VTI1A: variants seen among roughly 807,000 people sequenced by gnomAD.
VTI1A encodes vesicle transport through interaction with t-SNAREs 1A.
In VTI1A, 22 loss-of-function variants were observed where a neutral mutation model predicts 34.9. That is an observed-to-expected ratio of 0.63 (90% CI 0.45 to 0.90). The LOEUF (loss-of-function observed/expected upper bound fraction) is 0.90. Ranked by LOEUF, VTI1A falls within the 40% of genes least tolerant of loss-of-function variation. The pLI is 0.00. For synonymous variants in VTI1A, 87 were observed against 97.3 expected, an observed-to-expected ratio of 0.89 and a Z score of 0.62; for missense variants, 268 against 275.6, an observed-to-expected ratio of 0.97 and a Z score of 0.20.
At chr10:112,521,879 G>C (rs1214660827) in intron 3 of VTI1A, among the ~76,000 whole-genome samples, 1 of 151,906 alleles carries the variant, frequency 6.6e-6, no homozygotes, top group African/African-American at 2.4e-5. Flanking sequence ...TTCTGTCCTG[G>C]ATTGATGAGC....
chr10:112,711,130 A>G (rs1331060288), intron 7 of VTI1A, among the ~76,000 whole-genome samples: 1 of 152,176 alleles, frequency 6.6e-6, no homozygotes, highest in African/African-American at 2.4e-5. Flanking sequence ...CAATCTGTAG[A>G]AAAAATCAAT....
rs550316625 is a variant in VTI1A at position 112,763,127 on chromosome 10, T to G, written c.561-52163T>G. 2.0e-5 allele frequency among the ~76,000 whole-genome samples: 3 copies of G among 152,114 alleles called. No individual in the cohort carries two copies. The South Asian group carries it at 6.2e-4, about 32-fold the overall frequency. Reference sequence around the variant, plus strand: ...CTGAGCATGTGGCCTCTTAGTAGACTTAAAATGTACCACTGGGCCAGGCGC... The same window carrying G: ...CTGAGCATGTGGCCTCTTAGTAGACGTAAAATGTACCACTGGGCCAGGCGC... On this transcript the variant is annotated intron_variant, in intron 7 of 7. Transcript: ENST00000393077.
chr10:112,610,187 T>C lies in VTI1A; in HGVS notation c.428-58031T>C, dbSNP rs774925614. Among the ~76,000 whole-genome samples the C allele has an allele frequency of 3.2e-3, 492 of 151,770 alleles. 2 individuals are homozygous for C. Among genetic ancestry groups the C allele is most frequent in the Non-Finnish European group, 5.8e-3 (392 of 67,940 alleles). On this transcript the variant is annotated intron_variant, in intron 5 of 7. Transcript: ENST00000393077. ...ATACTTTTCCAGTCTTTTTTTTTTT[T>C]TCCTCAAGTTTTTTCAAGATGATCC...
intron 3 of VTI1A, among the ~76,000 whole-genome samples, chr10:112,468,319 C>T (rs1022298279): frequency 3.3e-5 from 5 of 152,086 alleles, no homozygotes; most frequent in African/African-American, 9.7e-5. Context: ...TGACATAACT[C>T]CCTTGTTTTA....
chr10:112,573,811 AT>A (rs1852227694), intron 5 of VTI1A, among the ~76,000 whole-genome samples: 1 of 152,196 alleles, frequency 6.6e-6, no homozygotes, highest in African/African-American at 2.4e-5. Context: ...AAAGTTTGTA[AT>A]GTTTATTACA....
At chr10:112,719,178 G>T (rs564290785) in intron 7 of VTI1A, among the ~76,000 whole-genome samples, 1 of 152,196 alleles carries the variant, frequency 6.6e-6, no homozygotes, top group Non-Finnish European at 1.5e-5. Flanking sequence ...TCACTGAGTC[G>T]ATCCTCGGTA....
At chr10:112,648,523 C>A (rs1846890975) in intron 5 of VTI1A, among the ~76,000 whole-genome samples, 3 of 152,112 alleles carry the variant, frequency 2.0e-5, no homozygotes, top group Admixed American at 6.5e-5. Flanking sequence ...GGTTAACCAA[C>A]AATGAAGTTC....
intron 7 of VTI1A, among the ~76,000 whole-genome samples, chr10:112,740,719 G>T (rs1850666004): frequency 6.6e-6 from 1 of 152,230 alleles, no homozygotes; most frequent in South Asian, 2.1e-4. Flanking sequence ...TGTGCTGCTG[G>T]TGAGAATGTA....
intron 7 of VTI1A, among the ~76,000 whole-genome samples, chr10:112,684,614 T>C (rs1273936157): frequency 6.6e-6 from 1 of 152,046 alleles, no homozygotes; most frequent in African/African-American, 2.4e-5. Context: ...AACTTTTTTG[T>C]ATTTTTAGTA....
chr10:112,764,012 G>A (rs1851568904), intron 7 of VTI1A, among the ~76,000 whole-genome samples: 1 of 152,160 alleles, frequency 6.6e-6, no homozygotes, highest in African/African-American at 2.4e-5. Flanking sequence ...AGAGAGAGGT[G>A]GAAGGAAATA....
At chr10:112,547,096 A>C (rs1851159669) in intron 5 of VTI1A, among the ~76,000 whole-genome samples, 1 of 152,154 alleles carries the variant, frequency 6.6e-6, no homozygotes, top group Admixed American at 6.5e-5. Flanking sequence ...CCTGGGCAAC[A>C]TGGTGAAACC....
At position 112,759,735 on chromosome 10, in the gene VTI1A, G is replaced by A. The variant is rs557223955; in HGVS notation, c.561-55555G>A. Reference sequence around the variant, plus strand: ...GAACTGCATGCTTTTCTCCTCCCACGGAAGCTCCCACCTGCCCTTCCCCAG... The same window carrying A: ...GAACTGCATGCTTTTCTCCTCCCACAGAAGCTCCCACCTGCCCTTCCCCAG... On this transcript the variant is annotated intron_variant, in intron 7 of 7. Coordinates refer to ENST00000393077, the MANE Select transcript of VTI1A (RefSeq NM_145206.4). 5.3e-5 allele frequency among the ~76,000 whole-genome samples: 8 copies of A among 152,162 alleles called. No homozygotes were observed. The East Asian group carries it at 9.6e-4, about 18-fold the overall frequency.
intron 3 of VTI1A, among the ~76,000 whole-genome samples, chr10:112,506,620 T>C (rs187548404): frequency 5.3e-5 from 8 of 152,338 alleles, no homozygotes; most frequent in African/African-American, 1.9e-4. Flanking sequence ...CTATTTTACT[T>C]CTACATATGC....
At chr10:112,773,379 C>T (rs1180032321) in intron 7 of VTI1A, among the ~76,000 whole-genome samples, 3 of 152,184 alleles carry the variant, frequency 2.0e-5, no homozygotes, top group Non-Finnish European at 2.9e-5. Flanking sequence ...ACTGTACCAT[C>T]GATTACACTG....
intron 7 of VTI1A, among the ~76,000 whole-genome samples, chr10:112,693,441 G>A (rs1005176866): frequency 2.0e-5 from 3 of 152,084 alleles, no homozygotes; most frequent in Non-Finnish European, 2.9e-5. Flanking sequence ...CAGTTACTGG[G>A]GAGGCTGAGG....
chr10:112,790,899 G>GGAT (rs1203446882), intron 7 of VTI1A, among the ~76,000 whole-genome samples: 1 of 151,972 alleles, frequency 6.6e-6, no homozygotes, highest in Non-Finnish European at 1.5e-5. Flanking sequence ...AAAGTGTTTA[G>GGAT]GATACCCTTG....
At chr10:112,834,624 C>T in the VTI1A span, among the ~76,000 whole-genome samples, 6 of 152,188 alleles carry the variant, frequency 3.9e-5, no homozygotes, top group Admixed American at 6.5e-5. Flanking sequence ...TCTCCTCCAT[C>T]GCTCCCTCTT....
intron 7 of VTI1A, among the ~76,000 whole-genome samples, chr10:112,703,328 G>A (rs766190643): frequency 7.9e-5 from 12 of 152,136 alleles, no homozygotes; most frequent in Non-Finnish European, 1.5e-4. Context: ...AGCACTTTGG[G>A]AGGCCAAGGC....
intron 5 of VTI1A, among the ~76,000 whole-genome samples, chr10:112,623,726 G>T (rs767862735): frequency 6.6e-6 from 1 of 152,078 alleles, no homozygotes; most frequent in Non-Finnish European, 1.5e-5. Flanking sequence ...CCTCTGACTT[G>T]GACAAAATCT....
Sources: gnomAD v4.1 joint callset for allele counts (sites outside exome capture counted in the v4.1 genomes callset) on GRCh38, gnomAD v4.1.1 for gene constraint, MANE v1.5 for transcripts, NCBI Gene and HGNC (gene_info 2026-07-23, HGNC 2026-07-21) for gene names.